The following ROBO2 variants were observed in gnomAD, a reference collection of about 807,000 sequenced individuals.
ROBO2 encodes roundabout homolog 2.
A neutral mutation model predicts 160.8 loss-of-function variants in ROBO2; 53 were observed. The observed-to-expected ratio is 0.33, with a 90% CI of 0.26 to 0.41. The LOEUF (loss-of-function observed/expected upper bound fraction) is 0.41. ROBO2 is among the 10% of genes least tolerant of loss of function. The probability of loss-of-function intolerance (pLI) is 1.00; values close to 1 mark genes in which losing one functional copy is unlikely to be tolerated. For missense variants in ROBO2, 1,577 were observed against 1,722.4 expected (o/e 0.92, Z 1.49); for synonymous variants, 664 against 611.7 (o/e 1.09, Z -1.26).
chr3:77,400,865 T>A (rs1031386347), intron 2 of ROBO2, among the ~76,000 whole-genome samples: 5 of 151,840 alleles, frequency 3.3e-5, no homozygotes, highest in Non-Finnish European at 5.9e-5. Context: ...TGGCAAAGTT[T>A]AATTACAATT....
At chr3:76,156,066 T>A (rs142247786) in intron 2 of ROBO2, among the ~76,000 whole-genome samples, 2 of 152,006 alleles carry the variant, frequency 1.3e-5, no homozygotes, top group East Asian at 1.9e-4. Context: ...AAATTTCAGA[T>A]CTATCATTTT....
At chr3:76,424,465 A>T (rs987084831) in intron 2 of ROBO2, among the ~76,000 whole-genome samples, 1 of 152,184 alleles carries the variant, frequency 6.6e-6, no homozygotes, top group African/African-American at 2.4e-5. Context: ...GGATAAACAC[A>T]TAGAAGCAGA....
chr3:77,617,825 T>C, intron 22 of ROBO2, 52 bp downstream of exon 23: 1 of 1,595,084 alleles, frequency 6.3e-7, no homozygotes. Context: ...CATGGAAATT[T>C]TTTTCAGAAT....
chr3:77,065,623 G>A (rs115163163), intron 1 of ROBO2, among the ~76,000 whole-genome samples: 1,695 of 152,206 alleles, frequency 0.011, 22 homozygotes, highest in African/African-American at 0.037. Context: ...TAAATACTTT[G>A]TTACCTTAGT....
intron 1 of ROBO2, among the ~76,000 whole-genome samples, chr3:77,057,711 C>A (rs1039295567): frequency 6.6e-6 from 1 of 151,300 alleles, no homozygotes; most frequent in African/African-American, 2.4e-5. Context: ...GCTGGGATTA[C>A]AGGCACGTGC....
At chr3:75,967,311 T>C (rs1237826003) in intron 2 of ROBO2, among the ~76,000 whole-genome samples, 1 of 151,584 alleles carries the variant, frequency 6.6e-6, no homozygotes, top group Non-Finnish European at 1.5e-5. Context: ...CTTGAGAAGA[T>C]TTCAGTTACT....
At position 76,606,646 on chromosome 3, in the gene ROBO2, GT is replaced by G. The variant is rs368386968; in HGVS notation, c.110-491360del. Among the ~76,000 whole-genome samples, 462 of 151,230 alleles carry G rather than the reference GT, an allele frequency of 3.1e-3. 1 individual carries two copies. Among genetic ancestry groups the G allele is most frequent in the South Asian group, 0.025 (120 of 4,776 alleles). On this transcript the variant is annotated intron_variant, in intron 2 of 26. Coordinates refer to the ROBO2 transcript ENST00000487694. ...ACAGTAATATTAACTTATTCTGTTG[GT>G]TTTTTTTGTCTCCATCTCTGTGTCT...
At chr3:76,107,915 A>T (rs1053939265) in intron 2 of ROBO2, among the ~76,000 whole-genome samples, 1 of 152,134 alleles carries the variant, frequency 6.6e-6, no homozygotes. Context: ...AGATTGAGTT[A>T]TGAGTAATTG....
At chr3:76,394,023 T>C (rs2077291046) in intron 2 of ROBO2, among the ~76,000 whole-genome samples, 1 of 152,304 alleles carries the variant, frequency 6.6e-6, no homozygotes, top group Non-Finnish European at 1.5e-5. Flanking sequence ...TGTGTGTCTC[T>C]GCACGTGAGA....
intron 2 of ROBO2, among the ~76,000 whole-genome samples, chr3:76,559,642 G>C (rs1180763661): frequency 6.6e-6 from 1 of 152,082 alleles, no homozygotes; most frequent in East Asian, 1.9e-4. Flanking sequence ...AATATAAGTA[G>C]ATACTATAGT....
chr3:77,334,136 T>G (rs574650598), intron 2 of ROBO2, among the ~76,000 whole-genome samples: 1 of 152,196 alleles, frequency 6.6e-6, no homozygotes, highest in Non-Finnish European at 1.5e-5. Context: ...TAGTTTTGAT[T>G]GGTAGATACA....
At chr3:75,986,192 CCAA>C (rs2065408216) in intron 2 of ROBO2, among the ~76,000 whole-genome samples, 1 of 147,852 alleles carries the variant, frequency 6.8e-6, no homozygotes, top group Non-Finnish European at 1.5e-5. Context: ...CACATTCTTG[CCAA>C]CAATTGTTAT....
At chr3:76,177,671 C>A (rs895583710) in intron 2 of ROBO2, among the ~76,000 whole-genome samples, 1 of 152,110 alleles carries the variant, frequency 6.6e-6, no homozygotes, top group Non-Finnish European at 1.5e-5. Context: ...AATTGTAATT[C>A]CCCTCCCACT....
intron 1 of ROBO2, among the ~76,000 whole-genome samples, chr3:77,048,819 G>A (rs1417455742): frequency 2.0e-5 from 3 of 152,130 alleles, no homozygotes; most frequent in Non-Finnish European, 4.4e-5. Context: ...TACTATTGTG[G>A]AAGTGACATA....
At chr3:77,258,304 A>C (rs989284981) in intron 2 of ROBO2, among the ~76,000 whole-genome samples, 1 of 152,230 alleles carries the variant, frequency 6.6e-6, no homozygotes, top group African/African-American at 2.4e-5. Flanking sequence ...AAATAATGAG[A>C]AAATATACTA....
At chr3:77,419,827 A>G (rs2153530999) in intron 2 of ROBO2, among the ~76,000 whole-genome samples, 1 of 152,286 alleles carries the variant, frequency 6.6e-6, no homozygotes, top group Admixed American at 6.5e-5. Flanking sequence ...CTAAGCTAGA[A>G]AAGCCTAATA....
chr3:76,494,133 C>T (rs1008001725), intron 2 of ROBO2, among the ~76,000 whole-genome samples: 1 of 151,978 alleles, frequency 6.6e-6, no homozygotes, highest in Admixed American at 6.6e-5. Context: ...TGGAAACAGC[C>T]CAAGTATTCA....
intron 2 of ROBO2, among the ~76,000 whole-genome samples, chr3:76,342,588 ATC>A (rs994369384): frequency 6.6e-6 from 1 of 152,116 alleles, no homozygotes; most frequent in Non-Finnish European, 1.5e-5. Flanking sequence ...TGGATACACT[ATC>A]TCTATCTTCC....
At chr3:77,205,331 T>C (rs2083323313) in intron 2 of ROBO2, among the ~76,000 whole-genome samples, 1 of 151,976 alleles carries the variant, frequency 6.6e-6, no homozygotes. Context: ...AAAGTTTGGC[T>C]GTCCAGCGGC....
Sources: gnomAD v4.1 joint callset for allele counts (sites outside exome capture counted in the v4.1 genomes callset) on GRCh38, gnomAD v4.1.1 for gene constraint, MANE v1.5 for transcripts, NCBI Gene and HGNC (gene_info 2026-07-23, HGNC 2026-07-21) for gene names.